MTHFD2L: variants seen among roughly 807,000 people sequenced by gnomAD.
MTHFD2L encodes the protein bifunctional methylenetetrahydrofolate dehydrogenase/cyclohydrolase 2, mitochondrial.
In MTHFD2L, 29 loss-of-function variants were observed where a neutral mutation model predicts 34.9. That is an observed-to-expected ratio of 0.83 (90% confidence interval 0.62 to 1.13). The LOEUF is 1.13. Among genes scored for constraint, MTHFD2L ranks in the 50% most tolerant of loss-of-function variants. The pLI, the probability that MTHFD2L is intolerant of heterozygous loss-of-function variation, is 0.00. For synonymous variants in MTHFD2L, 167 were observed against 155.7 expected, an observed-to-expected ratio of 1.07 and a Z score of -0.54; for missense variants, 481 against 446.5, an observed-to-expected ratio of 1.08 and a Z score of -0.70.
At chr4:74,288,744 T>G (rs1426927102) in intron 7 of MTHFD2L, among the ~76,000 whole-genome samples, 1 of 152,178 alleles carries the variant, frequency 6.6e-6, no homozygotes, top group African/African-American at 2.4e-5. Flanking sequence ...CCCTGAGCTT[T>G]CCATGGATCT....
intron 6 of MTHFD2L, among the ~76,000 whole-genome samples, chr4:74,248,951 T>C (rs1285104574): frequency 6.6e-6 from 1 of 151,250 alleles, no homozygotes; most frequent in East Asian, 1.9e-4. Context: ...AAAAAATGTA[T>C]ATTCTGTTGA....
chr4:74,130,539 C>T (rs1220160891), intron 1 of MTHFD2L, among the ~76,000 whole-genome samples: 2 of 152,138 alleles, frequency 1.3e-5, no homozygotes, highest in Non-Finnish European at 2.9e-5. Context: ...ATTCTGCACC[C>T]TTCCTGCTAA....
At chr4:74,288,748 TG>T (rs1647109475) in intron 7 of MTHFD2L, among the ~76,000 whole-genome samples, 1 of 152,198 alleles carries the variant, frequency 6.6e-6, no homozygotes, top group South Asian at 2.1e-4. Context: ...GAGCTTTCCA[TG>T]GATCTTAGAT....
At chr4:74,269,835 T>C (rs1745735027) in intron 6 of MTHFD2L, among the ~76,000 whole-genome samples, 1 of 152,134 alleles carries the variant, frequency 6.6e-6, no homozygotes, top group Non-Finnish European at 1.5e-5. Flanking sequence ...TAGTAAACTC[T>C]AAGGCATAAT....
chr4:74,258,514 A>T (rs1744302898), intron 6 of MTHFD2L, among the ~76,000 whole-genome samples: 1 of 152,088 alleles, frequency 6.6e-6, no homozygotes. Context: ...GTATTCTTGG[A>T]TGTGAAACCA....
At chr4:74,149,344 T>C (rs1723789186) in intron 1 of MTHFD2L, among the ~76,000 whole-genome samples, 1 of 151,832 alleles carries the variant, frequency 6.6e-6, no homozygotes. Context: ...TAATACAAAC[T>C]CAGACATCTG....
At chr4:74,258,057 G>A (rs987147476) in intron 6 of MTHFD2L, among the ~76,000 whole-genome samples, 7 of 151,892 alleles carry the variant, frequency 4.6e-5, no homozygotes, top group Non-Finnish European at 7.4e-5. Flanking sequence ...TGTTAGGTTG[G>A]CTATGCTGGA....
At chr4:74,119,800 A>T (rs925631207), upstream of MTHFD2L, among the ~76,000 whole-genome samples, 9 of 152,102 alleles carry the variant, frequency 5.9e-5, no homozygotes, top group Non-Finnish European at 8.8e-5. Context: ...AACAAAAAAA[A>T]CAAAATACCA....
At chr4:74,272,726 T>C (rs966093779) in intron 6 of MTHFD2L, among the ~76,000 whole-genome samples, 1 of 152,148 alleles carries the variant, frequency 6.6e-6, no homozygotes, top group Non-Finnish European at 1.5e-5. Context: ...GGTCTGGCAA[T>C]AGGCTGTTTC....
intron 3 of MTHFD2L, among the ~76,000 whole-genome samples, chr4:74,189,675 A>G (rs1268496460): frequency 6.6e-6 from 1 of 151,984 alleles, no homozygotes; most frequent in Non-Finnish European, 1.5e-5. Flanking sequence ...ATAGAATTAC[A>G]TCTTTTTGAA....
intron 5 of MTHFD2L, among the ~76,000 whole-genome samples, chr4:74,221,555 G>A (rs1738193436): frequency 1.3e-5 from 2 of 151,544 alleles, no homozygotes; most frequent in Non-Finnish European, 3.0e-5. Flanking sequence ...TTGACAGAAA[G>A]CATTATTTTC....
chr4:74,152,150 G>T (rs1324502764), intron 1 of MTHFD2L, among the ~76,000 whole-genome samples: 1 of 151,720 alleles, frequency 6.6e-6, no homozygotes, highest in African/African-American at 2.4e-5. Context: ...ACATTTATCA[G>T]TTATATTGTT....
At chr4:74,180,724 G>T (rs1205212015) in intron 3 of MTHFD2L, 1 of 453,006 alleles carries the variant, frequency 2.2e-6, no homozygotes, top group Non-Finnish European at 4.5e-6. Context: ...AAATGCTCGG[G>T]ATATAAGAGT....
At chr4:74,214,558 T>G (rs1301640588) in intron 5 of MTHFD2L, among the ~76,000 whole-genome samples, 2 of 151,764 alleles carry the variant, frequency 1.3e-5, no homozygotes, top group African/African-American at 2.4e-5. Context: ...AGCAAAGATT[T>G]CTGCCTGTTC....
At chr4:74,281,349 G>GTA (rs1747448210) in intron 6 of MTHFD2L, 76 bp from the exon 7 acceptor site, 3 of 1,375,872 alleles carry the variant, frequency 2.2e-6, no homozygotes, top group Admixed American at 1.9e-5. Context: ...GTGTGTGTGT[G>GTA]TATTTTTAAA....
At chr4:74,176,660 A>G (rs898867911) in intron 3 of MTHFD2L, among the ~76,000 whole-genome samples, 3 of 152,046 alleles carry the variant, frequency 2.0e-5, no homozygotes, top group Non-Finnish European at 4.4e-5. Flanking sequence ...TCTGTGGACT[A>G]AAGAGCTAGC....
chr4:74,246,083 C>A (rs1742399614), intron 6 of MTHFD2L, among the ~76,000 whole-genome samples: 1 of 141,892 alleles, frequency 7.0e-6, no homozygotes, highest in Non-Finnish European at 1.5e-5. Context: ...AACTAGTTTA[C>A]AGTCCCACCA....
intron 6 of MTHFD2L, among the ~76,000 whole-genome samples, chr4:74,245,379 AT>A (rs1742287606): frequency 6.6e-6 from 1 of 152,002 alleles, no homozygotes. Context: ...CAAAATAAAC[AT>A]TTAATTCATC....
intron 6 of MTHFD2L, among the ~76,000 whole-genome samples, chr4:74,228,936 T>C (rs936621077): frequency 6.6e-6 from 1 of 152,166 alleles, no homozygotes; most frequent in Non-Finnish European, 1.5e-5. Flanking sequence ...TGTAGCCAAG[T>C]TGGCCATACA....
Sources: allele counts gnomAD v4.1 joint callset (sites outside exome capture counted in the v4.1 genomes callset), GRCh38; gene constraint gnomAD v4.1.1; transcripts MANE v1.5; gene names NCBI Gene and HGNC (gene_info 2026-07-23, HGNC 2026-07-21).